The following CKS1B variants were observed in gnomAD, a reference collection of about 807,000 sequenced individuals.
The protein encoded by CKS1B is cyclin-dependent kinases regulatory subunit 1.
A neutral mutation model predicts 12.2 loss-of-function variants in CKS1B; 5 were observed. The observed-to-expected ratio is 0.41, with a 90% confidence interval of 0.21 to 0.86. The LOEUF (loss-of-function observed/expected upper bound fraction) is 0.86. Ranked by LOEUF, CKS1B falls within the 40% of genes least tolerant of loss-of-function variation. The probability of loss-of-function intolerance (pLI) is 0.32; values close to 1 mark genes in which losing one functional copy is unlikely to be tolerated. For missense variants in CKS1B, 53 were observed against 99.9 expected (o/e 0.53, Z 2.00); for synonymous variants, 24 against 34.4 (o/e 0.70, Z 1.06).
intron 1 of CKS1B, among the ~76,000 whole-genome samples, chr1:154,976,502 T>C (rs373393271): frequency 9.2e-5 from 14 of 152,224 alleles, no homozygotes; most frequent in African/African-American, 2.4e-4. Flanking sequence ...TCGATGTGCA[T>C]TGACAAATAC....
In CKS1B at chr1:154,975,106, C is replaced by T. The variant is rs72997362; in HGVS notation, c.59+302C>T. 2,037 of 652,138 alleles carry T rather than the reference C, an allele frequency of 3.1e-3. 28 individuals carry two copies. In the African/African-American group the frequency reaches 0.034, roughly 11 times the overall value. 40.4% of individuals were successfully genotyped at this position (652,138 alleles called of 1,614,324 possible). ...GGATCATTCTCTGAACTTTATCGGG[C>T]AAACTTAACTTGCCTTGTAGAGACT... is the stretch of plus-strand genomic sequence containing the variant. On this transcript the variant is annotated intron_variant, in intron 1 of 2. Transcript: ENST00000308987.
chr1:154,974,859 C>CA, intron 1 of CKS1B, 55 bp downstream of exon 1: 1 of 1,613,940 alleles, frequency 6.2e-7, no homozygotes, highest in South Asian at 1.1e-5. Flanking sequence ...CCGCTGAGGG[C>CA]ACAAGGAATT....
At chr1:154,977,908 G>T in intron 1 of CKS1B, 79 bp from the exon 2 acceptor site, 1 of 1,392,268 alleles carries the variant, frequency 7.2e-7, no homozygotes, top group Non-Finnish European at 9.6e-7. Context: ...TTCCTTTCTT[G>T]GCCTTGTAAA....
chr1:154,974,929 G>C (rs951949120), intron 1 of CKS1B, 125 bp downstream of exon 1: 3 of 1,613,718 alleles, frequency 1.9e-6, no homozygotes, highest in Non-Finnish European at 8.5e-7. Flanking sequence ...ACGGGCAATG[G>C]TGTGATATTG....
At chr1:154,978,497 A>G in intron 2 of CKS1B, 2 of 564,764 alleles carry the variant, frequency 3.5e-6, no homozygotes, top group Admixed American at 6.8e-5. Context: ...AAAACTAATA[A>G]GGGACACCCT....
intron 1 of CKS1B, 41 bp downstream of exon 1, chr1:154,974,845 T>G (rs1260753403): frequency 6.2e-7 from 1 of 1,614,002 alleles, no homozygotes; most frequent in South Asian, 1.1e-5. Context: ...GTCGTGAGCT[T>G]TGGCCGCTGA....
rs866379339 is a variant in CKS1B, at chr1:154,978,501, A to G, written c.188-224A>G. 1.4e-5 allele frequency: 8 copies of G among 562,038 alleles called. No individual in the cohort carries two copies. The Middle Eastern group carries it at 2.7e-3, about 190-fold the overall frequency. 34.8% of individuals were successfully genotyped at this position (562,038 alleles called of 1,614,324 possible). The stretch of plus-strand genomic sequence containing the variant: ...AGCTGCCAGGCAAAACTAATAAGGG[A>G]CACCCTGGGGCTGTATAAACATAGC... On this transcript the variant is annotated intron_variant, in intron 2 of 2. Coordinates refer to ENST00000308987, the MANE Select transcript of CKS1B (RefSeq NM_001826.3).
chr1:154,978,485 G>A, intron 2 of CKS1B: 1 of 555,454 alleles, frequency 1.8e-6, no homozygotes, highest in Non-Finnish European at 3.2e-6. Context: ...CAGCTGCCAG[G>A]CAAAACTAAT....
rs757065460 is a variant in CKS1B, at chr1:154,974,950, A to G, written c.59+146A>G. ...AATGGTGTGATATTGTGGAAGGCGT[A>G]AGGCGCATGCGCGGAGGTGGGAGGC... is the stretch of plus-strand genomic sequence containing the variant. On this transcript the variant is annotated intron_variant, in intron 1 of 2. Coordinates refer to ENST00000308987, the MANE Select transcript of CKS1B (RefSeq NM_001826.3). 39 of 1,612,736 alleles carry G rather than the reference A, an allele frequency of 2.4e-5. No individual in the cohort carries two copies. The South Asian group carries it at 4.0e-4, about 16-fold the overall frequency.
chr1:154,975,853 G>A (rs1475840938), intron 1 of CKS1B: 1 of 154,650 alleles, frequency 6.5e-6, no homozygotes, highest in Non-Finnish European at 1.5e-5. Flanking sequence ...AACTACGCGT[G>A]TTTTCATTTA....
chr1:154,978,123 A>C lies in CKS1B; in HGVS notation c.187+9A>C. 2.5e-6 allele frequency: 4 copies of C among 1,613,328 alleles called. No homozygotes were observed. Among genetic ancestry groups the C allele is most frequent in the Non-Finnish European group, 3.4e-6 (4 of 1,179,794 alleles). ...TATGATCCATGAACCAGGTCAGTGC[A>C]CTGGCTAAAAACAACCATATAGAAC... On this transcript the variant is annotated intron_variant, in intron 2 of 2. Coordinates refer to ENST00000308987, the MANE Select transcript of CKS1B (RefSeq NM_001826.3).
intron 1 of CKS1B, chr1:154,975,123 G>T: frequency 8.1e-6 from 5 of 620,080 alleles, no homozygotes; most frequent in Non-Finnish European, 8.6e-6. Flanking sequence ...AACTTGCCTT[G>T]TAGAGACTGT....
At chr1:154,976,104 G>C (rs1007375006) in intron 1 of CKS1B, among the ~76,000 whole-genome samples, 18 of 152,086 alleles carry the variant, frequency 1.2e-4, no homozygotes, top group African/African-American at 4.1e-4. Context: ...GAGGAAAAAC[G>C]GAAGAGGGAA....
At chr1:154,976,445 T>A (rs369506152) in intron 1 of CKS1B, among the ~76,000 whole-genome samples, 1 of 152,258 alleles carries the variant, frequency 6.6e-6, no homozygotes, top group Non-Finnish European at 1.5e-5. Flanking sequence ...GCTTTTCTTG[T>A]GTCTCTTCAC....
Position 154,974,700 on chromosome 1 carries a change from T to C in CKS1B, c.-46T>C, listed in dbSNP as rs553810475. 37 of 1,557,436 alleles carry C rather than the reference T, an allele frequency of 2.4e-5. No homozygotes were observed. The South Asian group carries it at 3.9e-4, about 16-fold the overall frequency. ...GGGAGCGCGTGCTGTTGGGAGTTGC[T>C]TGGAGGTTGGCGGCGCGGGGCTGAA... is the stretch of plus-strand genomic sequence containing the variant. On this transcript the variant is annotated 5_prime_UTR_variant, in exon 1 of 3. Coordinates refer to ENST00000308987, the MANE Select transcript of CKS1B (RefSeq NM_001826.3).
At chr1:154,978,191 A>C in intron 2 of CKS1B, 77 bp downstream of exon 2, 2 of 1,381,392 alleles carry the variant, frequency 1.4e-6, no homozygotes, top group Non-Finnish European at 1.9e-6. Context: ...TATAACCCAA[A>C]TAGGGAGATA....
chr1:154,975,142 A>G, intron 1 of CKS1B: 1 of 601,334 alleles, frequency 1.7e-6, no homozygotes. Flanking sequence ...GTTTCACAGT[A>G]ATCTTGTCGA....
chr1:154,974,825 A>G (rs200869468), intron 1 of CKS1B, 21 bp downstream of exon 1: 40 of 1,613,972 alleles, frequency 2.5e-5, no homozygotes, highest in Non-Finnish European at 3.4e-5. Context: ...GCGCGGGAGC[A>G]ATAGCGAGGG....
At chr1:154,977,609 AT>A (rs756116927) in intron 1 of CKS1B, 14 of 182,698 alleles carry the variant, frequency 7.7e-5, no homozygotes, top group Non-Finnish European at 1.6e-4. Flanking sequence ...ACAGTACTTC[AT>A]AAAAGGCCTT....
Sources: allele counts gnomAD v4.1 joint callset (sites outside exome capture counted in the v4.1 genomes callset), GRCh38; gene constraint gnomAD v4.1.1; transcripts MANE v1.5; gene names NCBI Gene and HGNC (gene_info 2026-07-23, HGNC 2026-07-21).